ACBD6: variants seen among roughly 807,000 people sequenced by gnomAD.
ACBD6 encodes the protein acyl-CoA-binding domain-containing protein 6.
Under a neutral mutation model 37.2 loss-of-function variants are expected in ACBD6, and 28 were observed. The observed-to-expected ratio is 0.75, with a 90% confidence interval of 0.56 to 1.03. The LOEUF (loss-of-function observed/expected upper bound fraction) is 1.03. Among genes scored for constraint, ACBD6 ranks in the 50% least tolerant of loss-of-function variants. ACBD6 has a pLI of 0.00. For synonymous variants in ACBD6, 113 were observed against 126.8 expected (o/e 0.89, Z 0.73); for missense variants, 340 against 337.4 (o/e 1.01, Z -0.06).
In ACBD6 at chr1:180,460,879, C is replaced by T. The variant is rs186825541; in HGVS notation, c.385-30617G>A. 3.8e-3 allele frequency among the ~76,000 whole-genome samples: 575 copies of T among 152,280 alleles called. 4 individuals are homozygous for T. Among genetic ancestry groups the T allele is most frequent in the African/African-American group, 0.012 (512 of 41,556 alleles). Reference sequence around the variant, plus strand: ...CAACATCGCTGCTCCAGCAAGGGTTCGGACTGTGGCTGAGGCTGACATGGC... The same window carrying T: ...CAACATCGCTGCTCCAGCAAGGGTTTGGACTGTGGCTGAGGCTGACATGGC... On this transcript the variant is annotated intron_variant, in intron 3 of 7. Coordinates refer to ENST00000367595, the MANE Select transcript of ACBD6 (RefSeq NM_032360.4).
intron 7 of ACBD6, among the ~76,000 whole-genome samples, chr1:180,308,143 T>A (rs1290398033): frequency 6.6e-6 from 1 of 152,242 alleles, no homozygotes; most frequent in African/African-American, 2.4e-5. Flanking sequence ...ATTTCTGTAT[T>A]TTTTTAATTT....
rs182958200 is a variant in ACBD6 at position 180,381,460 on chromosome 1, A to G, written c.663+16056T>C. Among the ~76,000 whole-genome samples the G allele has an allele frequency of 2.6e-5, 4 of 152,340 alleles. No homozygotes were observed. In the East Asian group the frequency reaches 7.7e-4, roughly 29 times the overall value. On this transcript the variant is annotated intron_variant, in intron 6 of 7. Transcript: ENST00000367595. ...GAAAATTCTCCAGGACAGACCATAC[A>G]TTAGGTCACAAAACAAGTCTCAACA...
At chr1:180,409,135 ATC>A (rs1647746622) in intron 5 of ACBD6, among the ~76,000 whole-genome samples, 1 of 149,382 alleles carries the variant, frequency 6.7e-6, no homozygotes, top group Non-Finnish European at 1.5e-5. Context: ...CAGCCTGAGA[ATC>A]TGTCTAAAAA....
intron 5 of ACBD6, among the ~76,000 whole-genome samples, chr1:180,404,740 G>C (rs1021475754): frequency 3.3e-5 from 5 of 152,148 alleles, no homozygotes; most frequent in Admixed American, 3.3e-4. Flanking sequence ...TGACAAGCGT[G>C]AGCCACAGCA....
rs550407876 is a variant in ACBD6 at position 180,341,544 on chromosome 1, G to A, written c.664-26822C>T. On this transcript the variant is annotated intron_variant, in intron 6 of 7. Transcript: ENST00000367595. ...ATAGGTTCCATCAGGATATAAATATGCTGCTATCTCTCCAAACCTTAACCA... is the reference window on the plus strand; with the variant it reads ...ATAGGTTCCATCAGGATATAAATATACTGCTATCTCTCCAAACCTTAACCA... 9.8e-4 allele frequency among the ~76,000 whole-genome samples: 149 copies of A among 152,020 alleles called. No homozygotes were observed. In the South Asian group the frequency reaches 0.017, roughly 18 times the overall value.
At chr1:180,456,799 C>T (rs574244441) in intron 3 of ACBD6, among the ~76,000 whole-genome samples, 24 of 152,138 alleles carry the variant, frequency 1.6e-4, no homozygotes, top group Non-Finnish European at 3.1e-4. Context: ...TCAGGGCTCA[C>T]TGCAGCCTCA....
chr1:180,418,181 AACAATCAT>A (rs1305343644), intron 4 of ACBD6, among the ~76,000 whole-genome samples: 1 of 152,198 alleles, frequency 6.6e-6, no homozygotes, highest in African/African-American at 2.4e-5. Context: ...ATAAATATAA[AACAATCAT>A]ACAGGCAGGC....
At chr1:180,299,073 A>T (rs1305597110) in intron 7 of ACBD6, among the ~76,000 whole-genome samples, 1 of 152,202 alleles carries the variant, frequency 6.6e-6, no homozygotes, top group Non-Finnish European at 1.5e-5. Flanking sequence ...ATGCTGAACT[A>T]CTTGAGTATA....
intron 6 of ACBD6, among the ~76,000 whole-genome samples, chr1:180,358,802 C>T (rs1260396630): frequency 1.3e-5 from 2 of 152,178 alleles, no homozygotes; most frequent in Admixed American, 6.5e-5. Context: ...TGTAAAGACA[C>T]TGCTGGCACC....
At chr1:180,413,602 TA>T (rs1461761848) in intron 4 of ACBD6, 131 bp from the exon 5 acceptor site, 1 of 675,290 alleles carries the variant, frequency 1.5e-6, no homozygotes, top group East Asian at 2.8e-5. Context: ...ACATGAACAG[TA>T]ACAGTTTTTC....
chr1:180,308,410 T>C (rs537721574), intron 7 of ACBD6, among the ~76,000 whole-genome samples: 1 of 152,302 alleles, frequency 6.6e-6, no homozygotes, highest in East Asian at 1.9e-4. Flanking sequence ...ACTGTATAGG[T>C]TGAGGATGTG....
intron 3 of ACBD6, among the ~76,000 whole-genome samples, chr1:180,431,627 C>T (rs1447810014): frequency 2.0e-5 from 3 of 152,052 alleles, no homozygotes; most frequent in Admixed American, 1.3e-4. Flanking sequence ...AGCTGAGGAA[C>T]GTGTACAAAG....
At chr1:180,373,052 C>G (rs879325269) in intron 6 of ACBD6, among the ~76,000 whole-genome samples, 1 of 152,130 alleles carries the variant, frequency 6.6e-6, no homozygotes, top group East Asian at 1.9e-4. Flanking sequence ...TTAGAATTAG[C>G]TAGGCCGAGA....
At chr1:180,478,424 C>A (rs1650885305) in intron 3 of ACBD6, among the ~76,000 whole-genome samples, 1 of 151,940 alleles carries the variant, frequency 6.6e-6, no homozygotes, top group African/African-American at 2.4e-5. Context: ...ACAATACAAC[C>A]TAGACAAGGA....
chr1:180,384,958 A>G (rs2101932868), intron 6 of ACBD6, among the ~76,000 whole-genome samples: 1 of 152,254 alleles, frequency 6.6e-6, no homozygotes, highest in East Asian at 1.9e-4. Flanking sequence ...AGTTGATCTC[A>G]TGAAGGTAGT....
intron 6 of ACBD6, among the ~76,000 whole-genome samples, chr1:180,396,275 A>C (rs1654256463): frequency 6.6e-6 from 1 of 152,204 alleles, no homozygotes; most frequent in Non-Finnish European, 1.5e-5. Context: ...CTATACACTT[A>C]AAATTGTTAA....
chr1:180,377,812 T>C (rs1653491692), intron 6 of ACBD6, among the ~76,000 whole-genome samples: 1 of 152,014 alleles, frequency 6.6e-6, no homozygotes, highest in East Asian at 1.9e-4. Context: ...CTGGTCATGG[T>C]GGCACATGCC....
intron 2 of ACBD6, 55 bp downstream of exon 2, chr1:180,495,406 C>A: frequency 7.6e-7 from 1 of 1,321,414 alleles, no homozygotes; most frequent in Non-Finnish European, 1.1e-6. Flanking sequence ...TTTCTAATTC[C>A]TAAACACCTA....
intron 3 of ACBD6, among the ~76,000 whole-genome samples, chr1:180,486,875 T>C (rs181421920): frequency 1.1e-4 from 16 of 152,274 alleles, no homozygotes; most frequent in Admixed American, 7.9e-4. Context: ...GTCTGATGCA[T>C]TGAGGAGGAC....
Sources: gnomAD v4.1 joint callset for allele counts (sites outside exome capture counted in the v4.1 genomes callset) on GRCh38, gnomAD v4.1.1 for gene constraint, MANE v1.5 for transcripts, NCBI Gene and HGNC (gene_info 2026-07-23, HGNC 2026-07-21) for gene names.